Variants in RBBP5 observed in about 807,000 individuals in gnomAD.
RBBP5 encodes RB binding protein 5, histone lysine methyltransferase complex subunit, also known as retinoblastoma-binding protein 5.
RBBP5 carries 5 observed loss-of-function variants against 72.2 expected under a neutral mutation model. The observed-to-expected ratio is 0.07, with a 90% CI of 0.04 to 0.15. RBBP5 has a LOEUF of 0.15. Ranked by LOEUF, RBBP5 falls within the 10% of genes least tolerant of loss-of-function variation. The pLI, the probability that RBBP5 is intolerant of heterozygous loss-of-function variation, is 1.00. For missense variants in RBBP5, 322 were observed against 652.2 expected, an observed-to-expected ratio of 0.49 and a Z score of 5.51; for synonymous variants, 209 against 237.2, an observed-to-expected ratio of 0.88 and a Z score of 1.09.
In RBBP5 at chr1:205,099,658, T is replaced by C; in HGVS notation, c.978+83A>G. On this transcript the variant is annotated intron_variant, in intron 9 of 13. Transcript: ENST00000264515. The surrounding 1 kb of genome is among the most constrained non-coding windows in gnomAD (Gnocchi z 4.7). Reference sequence around the variant, plus strand: ...TCATATGCAAAAGAAAATAAAAATGTAATTTTTAGCTTCCTATGTATAAGG... The same window carrying C: ...TCATATGCAAAAGAAAATAAAAATGCAATTTTTAGCTTCCTATGTATAAGG... 1.5e-6 allele frequency: 2 copies of C among 1,347,918 alleles called. No individual in the cohort carries two copies. The highest frequency in any genetic ancestry group is 2.1e-6 in the Non-Finnish European group (2 of 970,458). 83.5% of individuals were successfully genotyped at this position (1,347,918 alleles called of 1,614,324 possible).
At chr1:205,090,550 C>T (rs1040795757) in intron 13 of RBBP5, among the ~76,000 whole-genome samples, 11 of 152,288 alleles carry the variant, frequency 7.2e-5, no homozygotes, top group Admixed American at 5.9e-4. Context: ...AGATAAGATA[C>T]ACAGAACTAG....
intron 4 of RBBP5, 49 bp downstream of exon 4, chr1:205,104,979 T>C: frequency 6.3e-7 from 1 of 1,587,282 alleles, no homozygotes; most frequent in Non-Finnish European, 8.6e-7. Context: ...CCAGAGCTAA[T>C]CCATATAGAA....
intron 1 of RBBP5, among the ~76,000 whole-genome samples, chr1:205,118,545 G>A (rs763753424): frequency 2.0e-5 from 3 of 152,150 alleles, no homozygotes; most frequent in South Asian, 4.2e-4. Flanking sequence ...CCCAGGAGGC[G>A]GAGGTTGCAA....
chr1:205,106,362 A>G (rs1038334732), intron 3 of RBBP5, among the ~76,000 whole-genome samples: 8 of 152,224 alleles, frequency 5.3e-5, no homozygotes, highest in Non-Finnish European at 8.8e-5. Flanking sequence ...TGGGAGGCCA[A>G]GGCAGGCAAA....
chr1:205,104,325 C>T (rs1297164076), intron 4 of RBBP5, among the ~76,000 whole-genome samples: 5 of 148,754 alleles, frequency 3.4e-5, no homozygotes, highest in Non-Finnish European at 7.4e-5. Context: ...GAGTTCGAGA[C>T]CAGCCTGGCC....
chr1:205,094,397 G>A (rs1655532424), intron 13 of RBBP5, among the ~76,000 whole-genome samples: 1 of 152,214 alleles, frequency 6.6e-6, no homozygotes, highest in Non-Finnish European at 1.5e-5. Flanking sequence ...AATTTGAAGA[G>A]GGAGAGAAAA....
At position 205,105,186 on chromosome 1, in the gene RBBP5, G is replaced by A; in HGVS notation, c.219-18C>T. On this transcript the variant is annotated intron_variant, in intron 3 of 13. Coordinates refer to ENST00000264515, the MANE Select transcript of RBBP5 (RefSeq NM_005057.4). ...GGCTCCAGCTGAGGAAAAAAAAGGGGTAATTTAGCACATATTCTAAGTATA... is the reference window on the plus strand; with the variant it reads ...GGCTCCAGCTGAGGAAAAAAAAGGGATAATTTAGCACATATTCTAAGTATA... 1 of 1,603,482 alleles carries A rather than the reference G, an allele frequency of 6.2e-7. No homozygotes were observed. Among genetic ancestry groups the A allele is most frequent in the Non-Finnish European group, 8.5e-7 (1 of 1,176,308 alleles).
intron 11 of RBBP5, 70 bp from the exon 12 acceptor site, chr1:205,096,981 C>T: frequency 7.5e-7 from 1 of 1,340,944 alleles, no homozygotes; most frequent in Non-Finnish European, 1.0e-6. Flanking sequence ...TGAGCCCTTC[C>T]TCTATCACCT....
rs1388101432 is a variant in RBBP5, at chr1:205,120,104, G to A, written c.19+1751C>T. Reference sequence around the variant, plus strand: ...ACTCTCTTACTCATCAGCACTATATGCAATCTATTCTCAAATTTGTCATCC... The same window carrying A: ...ACTCTCTTACTCATCAGCACTATATACAATCTATTCTCAAATTTGTCATCC... On this transcript the variant is annotated intron_variant, in intron 1 of 13. Coordinates refer to ENST00000264515, the MANE Select transcript of RBBP5 (RefSeq NM_005057.4). 2.0e-5 allele frequency among the ~76,000 whole-genome samples: 3 copies of A among 152,034 alleles called. No individual in the cohort carries two copies. The East Asian group carries it at 5.8e-4, about 29-fold the overall frequency.
chr1:205,111,116 T>C lies in RBBP5; in HGVS notation c.218+3673A>G, dbSNP rs1656296933. ...TTTAAATAATCAAGTATAGGTTTTGTGATTTTAAAATATTAAAAATGTTGG... is the reference window on the plus strand; with the variant it reads ...TTTAAATAATCAAGTATAGGTTTTGCGATTTTAAAATATTAAAAATGTTGG... On this transcript the variant is annotated intron_variant, in intron 3 of 13. Transcript: ENST00000264515. Among the ~76,000 whole-genome samples the C allele has an allele frequency of 1.3e-5, 2 of 152,226 alleles. 1 individual carries two copies. The highest frequency in any genetic ancestry group is 4.1e-4 in the South Asian group (2 of 4,836).
chr1:205,104,952 C>T lies in RBBP5; in HGVS notation c.359+76G>A, dbSNP rs1211154223. 3.3e-6 allele frequency: 5 copies of T among 1,515,356 alleles called. No individual in the cohort carries two copies. In the African/African-American group the frequency reaches 5.5e-5, roughly 17 times the overall value. The allele number at this position is 1,515,356 out of a possible 1,614,324, so 93.9% of individuals were successfully genotyped here. On this transcript the variant is annotated intron_variant, in intron 4 of 13. Coordinates refer to ENST00000264515, the MANE Select transcript of RBBP5 (RefSeq NM_005057.4). ...TGTATTTGCCTTCTAAAACCATAAA[C>T]TAAAATTATCATGAGCCCAGAGCTA...
chr1:205,089,053 G>C (rs550164171), intron 13 of RBBP5, among the ~76,000 whole-genome samples: 1 of 152,290 alleles, frequency 6.6e-6, no homozygotes, highest in East Asian at 1.9e-4. Flanking sequence ...CAAAGGGTTG[G>C]GGGAAAAGCA....
At chr1:205,093,533 T>TACACACACACACAC (rs372536310) in intron 13 of RBBP5, among the ~76,000 whole-genome samples, 11 of 4,872 alleles carry the variant, frequency 2.3e-3, no homozygotes, top group East Asian at 0.015. Context: ...TATATATATA[T>TACACACACACACAC]ACACACACAC....
intron 1 of RBBP5, among the ~76,000 whole-genome samples, chr1:205,117,623 G>A (rs979877652): frequency 4.0e-5 from 6 of 151,680 alleles, no homozygotes; most frequent in Admixed American, 3.9e-4. Flanking sequence ...TCACACCATT[G>A]CACTCCAGCC....
intron 3 of RBBP5, among the ~76,000 whole-genome samples, chr1:205,111,263 G>A (rs552605916): frequency 6.6e-6 from 1 of 152,240 alleles, no homozygotes; most frequent in South Asian, 2.1e-4. Flanking sequence ...TGCTTATTGG[G>A]ACATTTCCCA....
intron 13 of RBBP5, 66 bp downstream of exon 13, chr1:205,094,807 G>A: frequency 7.0e-7 from 1 of 1,431,208 alleles, no homozygotes; most frequent in Non-Finnish European, 9.4e-7. Flanking sequence ...GCAGTTAAAT[G>A]AAGTCAAGGG....
intron 13 of RBBP5, 41 bp downstream of exon 13, chr1:205,094,832 G>A (rs1380258519): frequency 6.4e-7 from 1 of 1,567,098 alleles, no homozygotes; most frequent in Non-Finnish European, 8.7e-7. Context: ...ACAAAGCAAG[G>A]CCACGAAGCA....
chr1:205,102,415 GCA>G (rs759555476), intron 5 of RBBP5, among the ~76,000 whole-genome samples: 7 of 152,236 alleles, frequency 4.6e-5, no homozygotes, highest in Non-Finnish European at 1.0e-4. Context: ...TCACAAAAGG[GCA>G]AATACTATAT....
At position 205,121,920 on chromosome 1, in the gene RBBP5, T is replaced by C. The variant is rs749449994; in HGVS notation, c.-47A>G. 41 of 1,606,120 alleles carry C rather than the reference T, an allele frequency of 2.6e-5. No homozygotes were observed. In the South Asian group the frequency reaches 4.3e-4, roughly 17 times the overall value. ...GGTCTCAGCTCCGGCAACAACACCT[T>C]CTCCCCGGCCGGCTTCAGCAACTTG... On this transcript the variant is annotated 5_prime_UTR_variant, in exon 1 of 14. Coordinates refer to ENST00000264515, the MANE Select transcript of RBBP5 (RefSeq NM_005057.4).
Sources: allele counts gnomAD v4.1 joint callset (sites outside exome capture counted in the v4.1 genomes callset), GRCh38; gene constraint gnomAD v4.1.1; non-coding constraint Gnocchi (gnomAD v3.1); transcripts MANE v1.5; gene names NCBI Gene and HGNC (gene_info 2026-07-23, HGNC 2026-07-21).